Variants in CYSLTR1 observed in about 807,000 individuals in gnomAD.
CYSLTR1 encodes G-protein coupled receptor HG55.
Under a neutral mutation model 2.1 loss-of-function variants are expected in CYSLTR1, and 1 was observed. The observed-to-expected ratio is 0.48, with a 90% CI of 0.17 to 2.28. CYSLTR1 has a LOEUF of 2.28. Among genes scored for constraint, CYSLTR1 ranks in the 30% most tolerant of loss-of-function variants. CYSLTR1 has a pLI of 0.26. For missense variants in CYSLTR1, 299 were observed against 250.1 expected, an observed-to-expected ratio of 1.20 and a Z score of -1.32; for synonymous variants, 110 against 89.6, an observed-to-expected ratio of 1.23 and a Z score of -1.28.
chrX:78,275,497 C>T (rs1183513650), intron 2 of CYSLTR1, among the ~76,000 whole-genome samples: 11 of 108,155 alleles, frequency 1.0e-4, no homozygotes, highest in South Asian at 8.3e-4. Context: ...AACCAAACAC[C>T]GCATGTTCTC....
chrX:78,279,894 T>C (rs1309426297), intron 2 of CYSLTR1, among the ~76,000 whole-genome samples: 4 of 111,325 alleles, frequency 3.6e-5, no homozygotes, highest in Admixed American at 1.9e-4. Context: ...GAGCTAAACA[T>C]TGGGTATATA....
intron 2 of CYSLTR1, among the ~76,000 whole-genome samples, chrX:78,277,867 A>G (rs1921666132): frequency 8.9e-6 from 1 of 112,007 alleles, no homozygotes; most frequent in African/African-American, 3.2e-5. Flanking sequence ...AATCCAGAGT[A>G]TCTTCTTATT....
chrX:78,318,855 T>A (rs1923522645), intron 1 of CYSLTR1: 1 of 110,449 alleles, frequency 9.1e-6, no homozygotes, highest in Non-Finnish European at 1.9e-5. Context: ...TGATTCTTAT[T>A]TTGCAATGCC....
chrX:78,281,278 T>G (rs1212583769), intron 2 of CYSLTR1, among the ~76,000 whole-genome samples: 1 of 109,734 alleles, frequency 9.1e-6, no homozygotes, highest in Non-Finnish European at 1.9e-5. Context: ...AATTTTTTTT[T>G]TTTTTTGAGA....
At chrX:78,316,354 C>T (rs1481842339) in intron 1 of CYSLTR1, among the ~76,000 whole-genome samples, 2 of 112,179 alleles carry the variant, frequency 1.8e-5, no homozygotes, top group Non-Finnish European at 3.8e-5. Flanking sequence ...GAGCAAAAGC[C>T]AGGGAGCAAA....
intron 2 of CYSLTR1, among the ~76,000 whole-genome samples, chrX:78,275,321 A>G (rs1256021396): frequency 8.9e-6 from 1 of 112,133 alleles, no homozygotes; most frequent in East Asian, 2.8e-4. Context: ...AAAGACTTGG[A>G]ACCAAACCAA....
intron 1 of CYSLTR1, among the ~76,000 whole-genome samples, chrX:78,317,755 C>T (rs1923474472): frequency 8.9e-6 from 1 of 111,737 alleles, no homozygotes; most frequent in Non-Finnish European, 1.9e-5. Flanking sequence ...ATATATTCTC[C>T]CTTATATGTG....
intron 1 of CYSLTR1, among the ~76,000 whole-genome samples, chrX:78,303,376 A>T (rs1006538409): frequency 2.8e-5 from 3 of 106,980 alleles, no homozygotes; most frequent in South Asian, 4.2e-4. Context: ...AGTTAAAATC[A>T]GGTGCTATGA....
chrX:78,288,233 T>C (rs1163727324), intron 1 of CYSLTR1, among the ~76,000 whole-genome samples: 1 of 110,317 alleles, frequency 9.1e-6, no homozygotes, highest in African/African-American at 3.3e-5. Context: ...CCAACACATA[T>C]ACCATACAAC....
At chrX:78,284,013 A>G (rs999161875) in intron 1 of CYSLTR1, among the ~76,000 whole-genome samples, 2 of 112,022 alleles carry the variant, frequency 1.8e-5, no homozygotes, top group Non-Finnish European at 3.8e-5. Flanking sequence ...TCCTTAAAGG[A>G]CGAATGGCTT....
Position 78,272,696 on chromosome X carries a change from A to T in CYSLTR1, c.*37T>A. On this transcript the variant is annotated 3_prime_UTR_variant, in exon 3 of 3. Transcript: ENST00000373304. ...ATTTGACAAAATACTTATTTGGGAAACTATTTTCATTGGTTTGGACTGGAA... is the reference window on the plus strand; with the variant it reads ...ATTTGACAAAATACTTATTTGGGAATCTATTTTCATTGGTTTGGACTGGAA... The T allele has an allele frequency of 9.4e-7, 1 of 1,067,582 alleles. No individual in the cohort carries two copies. Among genetic ancestry groups the T allele is most frequent in the Non-Finnish European group, 1.2e-6 (1 of 815,157 alleles). 88.0% of individuals were successfully genotyped at this position (1,067,582 alleles called of 1,213,427 possible). A position where few individuals can be genotyped will look rare whatever the true frequency, so the allele number is the denominator to read the frequency against.
intron 2 of CYSLTR1, among the ~76,000 whole-genome samples, chrX:78,274,978 A>T (rs1245637437): frequency 1.8e-5 from 2 of 112,040 alleles, no homozygotes; most frequent in African/African-American, 6.5e-5. Context: ...ACATGAAAAA[A>T]TGCTCATCAT....
At chrX:78,287,514 AAAT>A (rs767414250) in intron 1 of CYSLTR1, among the ~76,000 whole-genome samples, 38 of 111,493 alleles carry the variant, frequency 3.4e-4, no homozygotes, top group Admixed American at 4.8e-4. Context: ...AATTTACTAT[AAAT>A]AATTGAATTG....
At chrX:78,323,913 A>G (rs1923761720) in intron 1 of CYSLTR1, among the ~76,000 whole-genome samples, 1 of 111,784 alleles carries the variant, frequency 8.9e-6, no homozygotes, top group Non-Finnish European at 1.9e-5. Context: ...CTATGTGTTA[A>G]ATGTCCAAGG....
intron 1 of CYSLTR1, among the ~76,000 whole-genome samples, chrX:78,287,177 A>G (rs936755012): frequency 3.6e-5 from 4 of 112,029 alleles, no homozygotes; most frequent in Non-Finnish European, 7.5e-5. Flanking sequence ...CATCCAATTT[A>G]TCAACTTTTC....
chrX:78,304,386 G>A (rs147141588), intron 1 of CYSLTR1, among the ~76,000 whole-genome samples: 4 of 110,917 alleles, frequency 3.6e-5, no homozygotes, highest in South Asian at 3.8e-4. Context: ...CTGCTTGATC[G>A]TATTGTGGCG....
chrX:78,296,804 T>G (rs976496602), intron 1 of CYSLTR1, among the ~76,000 whole-genome samples: 1 of 111,828 alleles, frequency 8.9e-6, no homozygotes, highest in Non-Finnish European at 1.9e-5. Flanking sequence ...AATCTTTAGG[T>G]TTTTCCAAAT....
intron 2 of CYSLTR1, among the ~76,000 whole-genome samples, chrX:78,281,269 ATTT>A (rs199904181): frequency 2.0e-5 from 2 of 97,788 alleles, no homozygotes. Context: ...TTATGTTTTA[ATTT>A]TTTTTTTTTT....
intron 1 of CYSLTR1, among the ~76,000 whole-genome samples, chrX:78,293,150 G>T (rs1922427393): frequency 9.0e-6 from 1 of 110,636 alleles, no homozygotes; most frequent in South Asian, 3.9e-4. Context: ...GCTTCCTTCA[G>T]GAGCTCTTTT....
Sources: gnomAD v4.1 joint callset for allele counts (sites outside exome capture counted in the v4.1 genomes callset) on GRCh38, gnomAD v4.1.1 for gene constraint, MANE v1.5 for transcripts, NCBI Gene and HGNC (gene_info 2026-07-23, HGNC 2026-07-21) for gene names.